Variants in TBPL1 observed in about 807,000 individuals in gnomAD.
TBPL1 encodes the protein TATA box-binding protein-like 1.
A neutral mutation model predicts 22.1 loss-of-function variants in TBPL1; 4 were observed. The observed-to-expected ratio is 0.18, with a 90% confidence interval of 0.09 to 0.41. TBPL1 has a LOEUF of 0.41. Among genes scored for constraint, TBPL1 ranks in the 10% least tolerant of loss-of-function variants. TBPL1 has a pLI of 1.00. For missense variants in TBPL1, 115 were observed against 222.3 expected (o/e 0.52, Z 3.07); for synonymous variants, 64 against 71.0 (o/e 0.90, Z 0.50).
intron 1 of TBPL1, among the ~76,000 whole-genome samples, chr6:133,963,744 G>T (rs1776064001): frequency 6.6e-6 from 1 of 151,006 alleles, no homozygotes; most frequent in Admixed American, 6.6e-5. Context: ...TGATCGTTAA[G>T]AACCGGCCTG....
chr6:133,970,148 G>A (rs1776193227), intron 1 of TBPL1, among the ~76,000 whole-genome samples: 1 of 152,180 alleles, frequency 6.6e-6, no homozygotes, highest in Non-Finnish European at 1.5e-5. Context: ...GATCTTTCAT[G>A]TGACCTCAAT....
chr6:133,984,600 C>G lies in TBPL1; in HGVS notation c.410C>G (p.Ala137Gly), dbSNP rs1433733056. ...HASYEPELHP[A>G]VCYRIKSLRA... ...AGTTACGAACCTGAACTTCATCCTG[C>G]TGTGTGCTATCGGATAAAATCTCTA... Residue 137 changes from alanine to glycine, a missense_variant, in exon 6 of 7, where the codon GCT becomes GGT. Physicochemically the swap from Ala to Gly is moderately conservative, Grantham distance 60. Coordinates refer to ENST00000237264, the MANE Select transcript of TBPL1 (RefSeq NM_004865.4). 1 of 1,613,432 alleles carries G rather than the reference C, an allele frequency of 6.2e-7. No homozygotes were observed.
At chr6:133,973,197 G>A (rs1489775889) in intron 1 of TBPL1, among the ~76,000 whole-genome samples, 1 of 152,140 alleles carries the variant, frequency 6.6e-6, no homozygotes, top group African/African-American at 2.4e-5. Flanking sequence ...ACTTTGAATG[G>A]CCTGTCTTTC....
At chr6:133,969,548 G>T (rs978008327) in intron 1 of TBPL1, among the ~76,000 whole-genome samples, 1 of 152,084 alleles carries the variant, frequency 6.6e-6, no homozygotes, top group East Asian at 1.9e-4. Flanking sequence ...TTTCACTTAA[G>T]CATTTGTTAA....
At chr6:133,970,908 A>C (rs932214841) in intron 1 of TBPL1, among the ~76,000 whole-genome samples, 4 of 152,188 alleles carry the variant, frequency 2.6e-5, no homozygotes, top group Non-Finnish European at 4.4e-5. Flanking sequence ...AGGGTAGGGC[A>C]TCTGTCACCT....
Position 133,953,434 on chromosome 6 carries a change from CT to C in TBPL1, c.-45+10del, listed in dbSNP as rs1371709550. On this transcript the variant is annotated intron_variant, in intron 1 of 6. Coordinates refer to ENST00000237264, the MANE Select transcript of TBPL1 (RefSeq NM_004865.4). Reference sequence around the variant, plus strand: ...CGCTCCCTCTTCCCACGGTAACCCCCTAGGCGACCCTGGGCACAGGGAGCGC... The same window carrying C: ...CGCTCCCTCTTCCCACGGTAACCCCCAGGCGACCCTGGGCACAGGGAGCGC... 6 of 152,808 alleles carry C rather than the reference CT, an allele frequency of 3.9e-5. No individual in the cohort carries two copies. The highest frequency in any genetic ancestry group is 2.4e-5 in the African/African-American group (1 of 41,446). 9.5% of individuals were successfully genotyped at this position (152,808 alleles called of 1,614,324 possible). A position where few individuals can be genotyped will look rare whatever the true frequency, so the allele number is the denominator to read the frequency against.
At chr6:133,967,617 A>G (rs1764411784) in intron 1 of TBPL1, among the ~76,000 whole-genome samples, 1 of 152,164 alleles carries the variant, frequency 6.6e-6, no homozygotes, top group Non-Finnish European at 1.5e-5. Flanking sequence ...GTGAACCTAT[A>G]CAGCATGTTT....
Position 133,984,676 on chromosome 6 carries a change from T to G in TBPL1, c.481+5T>G. 6.3e-7 allele frequency: 1 copy of G among 1,599,890 alleles called. No homozygotes were observed. Among genetic ancestry groups the G allele is most frequent in the Non-Finnish European group, 8.6e-7 (1 of 1,169,032 alleles). ...CAGGAAGTATCACAGTAACAGGTAT[T>G]CTATGATATTGAAACCACACTTATC... is the stretch of plus-strand genomic sequence containing the variant. On this transcript the variant is annotated splice_donor_5th_base_variant and intron_variant, in intron 6 of 6. Coordinates refer to ENST00000237264, the MANE Select transcript of TBPL1 (RefSeq NM_004865.4).
At chr6:133,983,372 T>C (rs1776450021) in intron 4 of TBPL1, among the ~76,000 whole-genome samples, 1 of 152,206 alleles carries the variant, frequency 6.6e-6, no homozygotes, top group Non-Finnish European at 1.5e-5. Context: ...ATGGACTTGC[T>C]AGGTCACTTG....
intron 1 of TBPL1, among the ~76,000 whole-genome samples, chr6:133,978,072 A>G (rs191639180): frequency 6.6e-6 from 1 of 152,290 alleles, no homozygotes; most frequent in East Asian, 1.9e-4. Context: ...TATTTCTGCC[A>G]CATTGTACCC....
chr6:133,966,906 C>G (rs1465302884), intron 1 of TBPL1, among the ~76,000 whole-genome samples: 1 of 152,194 alleles, frequency 6.6e-6, no homozygotes, highest in African/African-American at 2.4e-5. Flanking sequence ...CCTCCCATTG[C>G]AGAGTGGTGG....
intron 6 of TBPL1, among the ~76,000 whole-genome samples, chr6:133,985,298 ATATATATATATATATAT>A (rs1380680891): frequency 0.027 from 828 of 31,120 alleles, 250 homozygotes; most frequent in Non-Finnish European, 0.036. Context: ...AAAAAAAAAA[ATATATATATATATATAT>A]ATATATATAT....
chr6:133,988,260 A>G lies in TBPL1; in HGVS notation c.*1220A>G, dbSNP rs1400173427. ...TTAAAGTTATAATAAATATGCATTT[A>G]TGAAACAGTGTCTCTGGCTCACCCA... On this transcript the variant is annotated 3_prime_UTR_variant, in exon 7 of 7. Coordinates refer to ENST00000237264, the MANE Select transcript of TBPL1 (RefSeq NM_004865.4). 1 of 152,230 alleles carries G rather than the reference A, an allele frequency of 6.6e-6. No homozygotes were observed. The highest frequency in any genetic ancestry group is 1.5e-5 in the Non-Finnish European group (1 of 68,030). The allele number at this position is 152,230 out of a possible 1,614,324, so 9.4% of individuals were successfully genotyped here.
chr6:133,953,159 T>A (rs9493768), upstream of TBPL1: 21,831 of 152,568 alleles, frequency 0.14, 2,011 homozygotes, highest in African/African-American at 0.27. Flanking sequence ...GCTCTAGCCC[T>A]CGCGCACTGT....
At chr6:133,984,238 A>C in intron 4 of TBPL1, 138 bp from the exon 5 acceptor site, 2 of 605,020 alleles carry the variant, frequency 3.3e-6, no homozygotes, top group Non-Finnish European at 5.7e-6. Flanking sequence ...ATGCTACACA[A>C]CTTACAGTAC....
intron 1 of TBPL1, among the ~76,000 whole-genome samples, chr6:133,974,521 G>T (rs1383310398): frequency 1.3e-5 from 2 of 152,150 alleles, no homozygotes; most frequent in Non-Finnish European, 2.9e-5. Flanking sequence ...TTTAGACGGG[G>T]TTTCACCGTG....
intron 4 of TBPL1, among the ~76,000 whole-genome samples, chr6:133,983,906 C>A (rs376182498): frequency 7.2e-5 from 11 of 152,154 alleles, no homozygotes; most frequent in African/African-American, 2.7e-4. Context: ...AAACATCTAG[C>A]TAATCTCACA....
chr6:133,990,192 A>G lies in TBPL1; in HGVS notation c.*3152A>G, dbSNP rs1163410983. The G allele has an allele frequency of 1.3e-5, 2 of 152,666 alleles. No homozygotes were observed. Among genetic ancestry groups the G allele is most frequent in the Non-Finnish European group, 2.9e-5 (2 of 68,050 alleles). The allele number at this position is 152,666 out of a possible 1,614,324, so 9.5% of individuals were successfully genotyped here. ...TTCAGTTATCTGAACATCATCATCA[A>G]TTATAGCCTGTGTACCGTAACCTGA... On this transcript the variant is annotated 3_prime_UTR_variant, in exon 7 of 7. Coordinates refer to ENST00000237264, the MANE Select transcript of TBPL1 (RefSeq NM_004865.4).
At chr6:133,969,251 CTTTTTTTTTT>C (rs536421364) in intron 1 of TBPL1, among the ~76,000 whole-genome samples, 2 of 122,608 alleles carry the variant, frequency 1.6e-5, no homozygotes, top group Non-Finnish European at 3.4e-5. Context: ...ATAAAATACA[CTTTTTTTTTT>C]TTTTTTTTTT....
Sources: allele counts gnomAD v4.1 joint callset (sites outside exome capture counted in the v4.1 genomes callset), GRCh38; gene constraint gnomAD v4.1.1; transcripts MANE v1.5; gene names NCBI Gene and HGNC (gene_info 2026-07-23, HGNC 2026-07-21).